Variants in MDGA2 observed in about 807,000 individuals in gnomAD.
The protein encoded by MDGA2 is MAM domain containing glycosylphosphatidylinositol anchor 2.
Under a neutral mutation model 117.8 loss-of-function variants are expected in MDGA2, and 40 were observed. That is an observed-to-expected ratio of 0.34 (90% CI 0.26 to 0.44). The LOEUF (loss-of-function observed/expected upper bound fraction) is 0.44. Among genes scored for constraint, MDGA2 ranks in the 20% least tolerant of loss-of-function variants. The pLI, the probability that MDGA2 is intolerant of heterozygous loss-of-function variation, is 1.00. For synonymous variants in MDGA2, 452 were observed against 439.0 expected, an observed-to-expected ratio of 1.03 and a Z score of -0.37; for missense variants, 1,123 against 1,250.6, an observed-to-expected ratio of 0.90 and a Z score of 1.54.
chr14:47,646,628 A>G (rs1176318551), intron 1 of MDGA2, among the ~76,000 whole-genome samples: 1 of 152,220 alleles, frequency 6.6e-6, no homozygotes, highest in African/African-American at 2.4e-5. Context: ...TATGGTGTGC[A>G]GCTGAGAATG....
At chr14:47,330,005 A>AAT (rs1890249365) in intron 1 of MDGA2, among the ~76,000 whole-genome samples, 1 of 152,006 alleles carries the variant, frequency 6.6e-6, no homozygotes. Flanking sequence ...TAATATTCAA[A>AAT]CTGATGTTTA....
chr14:47,210,882 C>G (rs1230714679), intron 3 of MDGA2, among the ~76,000 whole-genome samples: 1 of 151,800 alleles, frequency 6.6e-6, no homozygotes, highest in Non-Finnish European at 1.5e-5. Context: ...TATTCAGGAG[C>G]CTGAGGGGGA....
In MDGA2 at chr14:47,359,098, G is replaced by A. The variant is rs558607658; in HGVS notation, c.281-57548C>T. On this transcript the variant is annotated intron_variant, in intron 1 of 16. Transcript: ENST00000399232. ...TGGCCAGGCACGGTGGCTCACGCCTGTAATCCCAGCACTTTGGGAGGCCAA... is the reference window on the plus strand; with the variant it reads ...TGGCCAGGCACGGTGGCTCACGCCTATAATCCCAGCACTTTGGGAGGCCAA... 2.1e-4 allele frequency among the ~76,000 whole-genome samples: 32 copies of A among 152,310 alleles called. No individual in the cohort carries two copies. The South Asian group carries it at 6.2e-3, about 30-fold the overall frequency.
At chr14:47,414,833 TAAAG>T (rs1202421202) in intron 1 of MDGA2, among the ~76,000 whole-genome samples, 2 of 152,072 alleles carry the variant, frequency 1.3e-5, no homozygotes, top group African/African-American at 4.8e-5. Flanking sequence ...AACAGATATT[TAAAG>T]AAAGACAAAA....
intron 3 of MDGA2, among the ~76,000 whole-genome samples, chr14:47,170,578 T>C (rs904918872): frequency 6.6e-6 from 1 of 152,192 alleles, no homozygotes; most frequent in Non-Finnish European, 1.5e-5. Flanking sequence ...TCAAAGCTCT[T>C]TCTGCAAGAA....
chr14:47,037,941 T>C (rs1888916105), intron 7 of MDGA2, among the ~76,000 whole-genome samples: 1 of 152,184 alleles, frequency 6.6e-6, no homozygotes, highest in South Asian at 2.1e-4. Context: ...GTTGATGTTG[T>C]TGTTTTGAGA....
At chr14:47,419,970 T>C (rs914137751) in intron 1 of MDGA2, among the ~76,000 whole-genome samples, 7 of 152,050 alleles carry the variant, frequency 4.6e-5, no homozygotes, top group African/African-American at 2.4e-5. Flanking sequence ...ATAAGCCTTG[T>C]AGTGTGAATA....
intron 16 of MDGA2, among the ~76,000 whole-genome samples, chr14:46,843,901 T>A (rs74515297): frequency 0.032 from 4,946 of 152,264 alleles, 140 homozygotes; most frequent in South Asian, 0.12. Flanking sequence ...TCTCTATATA[T>A]GACCACAAAA....
chr14:46,952,149 G>A (rs2138614507), intron 9 of MDGA2, among the ~76,000 whole-genome samples: 1 of 151,678 alleles, frequency 6.6e-6, no homozygotes, highest in African/African-American at 2.4e-5. Context: ...TATAATAAAT[G>A]CAATTTAATC....
rs138927980 is a variant in MDGA2 at position 47,036,195 on chromosome 14, G to A, written c.1526-891C>T. ...TGAGGCAGGAGAATGGTGTGAACCCGGGAGGCGGAGCTTGCAGTGAGTTGA... is the reference window on the plus strand; with the variant it reads ...TGAGGCAGGAGAATGGTGTGAACCCAGGAGGCGGAGCTTGCAGTGAGTTGA... On this transcript the variant is annotated intron_variant, in intron 7 of 16. Transcript: ENST00000399232. 9.9e-3 allele frequency among the ~76,000 whole-genome samples: 1,491 copies of A among 150,016 alleles called. 23 individuals are homozygous for A. Among genetic ancestry groups the A allele is most frequent in the African/African-American group, 0.035 (1,423 of 40,794 alleles).
At chr14:47,388,950 G>A (rs1027718495) in intron 1 of MDGA2, among the ~76,000 whole-genome samples, 3 of 152,082 alleles carry the variant, frequency 2.0e-5, no homozygotes, top group African/African-American at 7.2e-5. Context: ...TCAAACTAAA[G>A]GTCGTATTTT....
chr14:47,223,000 G>A (rs868730509), intron 2 of MDGA2, among the ~76,000 whole-genome samples: 17 of 152,174 alleles, frequency 1.1e-4, no homozygotes, highest in South Asian at 2.1e-4. Context: ...GTTCCAAATG[G>A]CTGGCAAGGC....
intron 8 of MDGA2, among the ~76,000 whole-genome samples, chr14:46,998,105 GAAGAAGA>G (rs1164269707): frequency 2.6e-5 from 4 of 152,042 alleles, no homozygotes; most frequent in Admixed American, 6.6e-5. Flanking sequence ...GAAGAGCCCT[GAAGAAGA>G]AAAGGGAAAT....
chr14:47,191,741 A>C (rs1885120221), intron 3 of MDGA2, among the ~76,000 whole-genome samples: 1 of 152,142 alleles, frequency 6.6e-6, no homozygotes, highest in Non-Finnish European at 1.5e-5. Context: ...TAATGGACAC[A>C]TCATAGTTAA....
intron 10 of MDGA2, among the ~76,000 whole-genome samples, chr14:46,899,576 A>C (rs1883206970): frequency 6.6e-6 from 1 of 152,036 alleles, no homozygotes; most frequent in Non-Finnish European, 1.5e-5. Context: ...GGCTCACAGA[A>C]AAGCTCAACC....
chr14:47,187,844 C>T (rs1884966115), intron 3 of MDGA2, among the ~76,000 whole-genome samples: 1 of 151,962 alleles, frequency 6.6e-6, no homozygotes, highest in Non-Finnish European at 1.5e-5. Flanking sequence ...GTCAGGATGT[C>T]AGTCATCCCT....
At chr14:47,020,823 C>G (rs536753960) in intron 8 of MDGA2, among the ~76,000 whole-genome samples, 138 of 151,182 alleles carry the variant, frequency 9.1e-4, no homozygotes, top group African/African-American at 3.2e-3. Flanking sequence ...TTTTCTCACT[C>G]GAATGAACTA....
intron 1 of MDGA2, among the ~76,000 whole-genome samples, chr14:47,468,177 T>C (rs1893643001): frequency 6.6e-6 from 1 of 152,146 alleles, no homozygotes; most frequent in Non-Finnish European, 1.5e-5. Context: ...AACAGTGACA[T>C]AGACAGTCTT....
intron 5 of MDGA2, among the ~76,000 whole-genome samples, chr14:47,110,202 T>C (rs1446190715): frequency 6.6e-6 from 1 of 152,170 alleles, no homozygotes; most frequent in Non-Finnish European, 1.5e-5. Flanking sequence ...TTGCACTCCT[T>C]TGTACTTATT....
Sources: allele counts gnomAD v4.1 joint callset (sites outside exome capture counted in the v4.1 genomes callset), GRCh38; gene constraint gnomAD v4.1.1; transcripts MANE v1.5; gene names NCBI Gene and HGNC (gene_info 2026-07-23, HGNC 2026-07-21).